TENM3: variants seen among roughly 807,000 people sequenced by gnomAD.
TENM3 encodes teneurin-3.
In TENM3, 63 loss-of-function variants were observed where a neutral mutation model predicts 255.1. That is an observed-to-expected ratio of 0.25 (90% CI 0.20 to 0.30). TENM3 has a LOEUF of 0.30. Ranked by LOEUF, TENM3 falls within the 10% of genes least tolerant of loss-of-function variation. The pLI is 1.00. For missense variants in TENM3, 2,929 were observed against 3,461.1 expected, an observed-to-expected ratio of 0.85 and a Z score of 3.86; for synonymous variants, 1,306 against 1,322.3, an observed-to-expected ratio of 0.99 and a Z score of 0.27.
chr4:181,593,326 G>T, the TENM3 span, among the ~76,000 whole-genome samples: 4 of 152,150 alleles, frequency 2.6e-5, no homozygotes. Flanking sequence ...GCCATGTGCT[G>T]GAAATGAACG....
At chr4:182,526,766 T>C (rs1739232509) in intron 3 of TENM3, among the ~76,000 whole-genome samples, 1 of 152,208 alleles carries the variant, frequency 6.6e-6, no homozygotes, top group Admixed American at 6.5e-5. Context: ...TGCTAACGGA[T>C]TTAGCATGGT....
chr4:182,789,154 A>G lies in TENM3; in HGVS notation c.5366A>G (p.Tyr1789Cys), dbSNP rs1332624427. 1 of 1,612,728 alleles carries G rather than the reference A, an allele frequency of 6.2e-7. No homozygotes were observed. Among genetic ancestry groups the G allele is most frequent in the African/African-American group, 1.3e-5 (1 of 74,930 alleles). Reference protein sequence around the residue: ...FDRTTKTEKIYDDHRKFLLRI... With the variant: ...FDRTTKTEKICDDHRKFLLRI... ...CGAACAACAAAGACAGAAAAGATCT[A>G]TGACGACCACCGTAAATTTCTACTG... The change falls in exon 25 of 28, where the codon TAT becomes TGT. Residue 1789 changes from tyrosine to cysteine, a missense_variant. Physicochemically the swap from Tyr to Cys is radical, Grantham distance 194 (BLOSUM62 -2). Coordinates refer to ENST00000511685, the MANE Select transcript of TENM3 (RefSeq NM_001080477.4). The surrounding 1 kb of genome is among the most constrained non-coding windows in gnomAD (Gnocchi z 4.4).
Position 182,773,410 on chromosome 4 carries a change from T to C in TENM3, c.4893-62T>C, listed in dbSNP as rs562623189. On this transcript the variant is annotated intron_variant, in intron 22 of 27. Coordinates refer to ENST00000511685, the MANE Select transcript of TENM3 (RefSeq NM_001080477.4). ...CAACTAATATTGCTACACATTATAT[T>C]TATAAGTCAGAAGAAACTGCAGTTT... The C allele has an allele frequency of 6.3e-6, 9 of 1,437,562 alleles. No individual in the cohort carries two copies. The African/African-American group carries it at 1.0e-4, about 16-fold the overall frequency. 89.1% of individuals were successfully genotyped at this position (1,437,562 alleles called of 1,614,324 possible).
the TENM3 span, among the ~76,000 whole-genome samples, chr4:181,945,954 G>A: frequency 6.6e-6 from 1 of 152,008 alleles, no homozygotes; most frequent in African/African-American, 2.4e-5. Flanking sequence ...TTCTGTGTGT[G>A]ATCATTTTAA....
rs556620637 is a variant in TENM3, at chr4:182,312,617, A to G, written c.-75-11329A>G. On this transcript the variant is annotated intron_variant, in intron 1 of 27. Coordinates refer to ENST00000511685, the MANE Select transcript of TENM3 (RefSeq NM_001080477.4). ...TGTTTCTTACTTTTCCCTCTGAACC[A>G]GATATTATTACTGGCAAAATTTTCA... 3.9e-5 allele frequency among the ~76,000 whole-genome samples: 6 copies of G among 152,352 alleles called. 1 individual carries two copies. The South Asian group carries it at 1.2e-3, about 32-fold the overall frequency.
At chr4:181,800,522 A>T in the TENM3 span, among the ~76,000 whole-genome samples, 65 of 152,236 alleles carry the variant, frequency 4.3e-4, no homozygotes, top group Admixed American at 7.2e-4. Context: ...AATCCCAGCT[A>T]CTCAGGAGGC....
intron 13 of TENM3, among the ~76,000 whole-genome samples, chr4:182,718,001 T>G (rs1234420701): frequency 6.6e-6 from 1 of 152,088 alleles, no homozygotes; most frequent in African/African-American, 2.4e-5. Context: ...CAAGTACCTC[T>G]TTTCACCAGC....
At chr4:181,917,795 G>A in the TENM3 span, among the ~76,000 whole-genome samples, 23 of 151,610 alleles carry the variant, frequency 1.5e-4, no homozygotes, top group Admixed American at 4.6e-4. Context: ...CCGAGAGGCC[G>A]GGACTGCAGG....
At chr4:182,006,381 T>C in the TENM3 span, among the ~76,000 whole-genome samples, 3 of 152,184 alleles carry the variant, frequency 2.0e-5, no homozygotes, top group Non-Finnish European at 4.4e-5. Context: ...TGGTAGGTGA[T>C]TAATTACGGC....
chr4:181,888,608 G>GTGTGTGTGTA, the TENM3 span, among the ~76,000 whole-genome samples: 1 of 132,864 alleles, frequency 7.5e-6, no homozygotes, highest in South Asian at 2.4e-4. Context: ...GTGTGTGTGT[G>GTGTGTGTGTA]TGTGTGTGTG....
chr4:181,654,120 T>TC, the TENM3 span, among the ~76,000 whole-genome samples: 2 of 151,828 alleles, frequency 1.3e-5, no homozygotes, highest in Non-Finnish European at 2.9e-5. Flanking sequence ...CTAGTCTTTT[T>TC]CTCCCTCAAT....
chr4:182,080,459 TA>T, the TENM3 span, among the ~76,000 whole-genome samples: 1 of 152,182 alleles, frequency 6.6e-6, no homozygotes, highest in Non-Finnish European at 1.5e-5. Context: ...AGTAAAATCT[TA>T]AAAGTAGTGA....
intron 13 of TENM3, among the ~76,000 whole-genome samples, chr4:182,727,262 C>G (rs1339482509): frequency 1.3e-5 from 2 of 151,984 alleles, no homozygotes; most frequent in Admixed American, 6.6e-5. Context: ...TCGAGATGAG[C>G]CTGGTCAACA....
the TENM3 span, among the ~76,000 whole-genome samples, chr4:181,897,880 A>T: frequency 2.0e-5 from 3 of 152,118 alleles, no homozygotes; most frequent in Non-Finnish European, 2.9e-5. Flanking sequence ...TTAAACTTAT[A>T]TGGTTATGCT....
intron 12 of TENM3, among the ~76,000 whole-genome samples, chr4:182,690,538 A>G (rs183650094): frequency 3.3e-5 from 5 of 152,208 alleles, no homozygotes; most frequent in Non-Finnish European, 7.3e-5. Flanking sequence ...CCGATACATC[A>G]GAAGAAATGA....
the TENM3 span, among the ~76,000 whole-genome samples, chr4:181,986,209 T>C: frequency 1.3e-5 from 2 of 151,998 alleles, no homozygotes; most frequent in African/African-American, 4.8e-5. Flanking sequence ...AACCAGCAGA[T>C]TTCCCTCACG....
the TENM3 span, among the ~76,000 whole-genome samples, chr4:181,770,412 C>T: frequency 3.9e-5 from 6 of 151,980 alleles, no homozygotes; most frequent in East Asian, 1.9e-4. Flanking sequence ...TGGTGGCTCA[C>T]GCCTGTAATC....
At chr4:182,610,026 G>T (rs2152429101) in intron 4 of TENM3, among the ~76,000 whole-genome samples, 1 of 152,262 alleles carries the variant, frequency 6.6e-6, no homozygotes, top group East Asian at 1.9e-4. Context: ...TGACAATTAG[G>T]TAGCTTTTTA....
intron 1 of TENM3, among the ~76,000 whole-genome samples, chr4:182,176,220 T>A (rs916937184): frequency 9.2e-5 from 14 of 152,148 alleles, no homozygotes; most frequent in Admixed American, 6.5e-4. Flanking sequence ...AATGAATATA[T>A]AAATGGCACA....
Sources: gnomAD v4.1 joint callset for allele counts (sites outside exome capture counted in the v4.1 genomes callset) on GRCh38, gnomAD v4.1.1 for gene constraint, Gnocchi (gnomAD v3.1) non-coding constraint, MANE v1.5 for transcripts, NCBI Gene and HGNC (gene_info 2026-07-23, HGNC 2026-07-21) for gene names.